STARD13: variants seen among roughly 807,000 people sequenced by gnomAD.
The protein encoded by STARD13 is stAR-related lipid transfer protein 13.
A neutral mutation model predicts 106.4 loss-of-function variants in STARD13; 62 were observed. The observed-to-expected ratio is 0.58, with a 90% CI of 0.48 to 0.72. The LOEUF is 0.72. Among genes scored for constraint, STARD13 ranks in the 30% least tolerant of loss-of-function variants. The pLI is 0.00. For missense variants in STARD13, 1,387 were observed against 1,424.0 expected (o/e 0.97, Z 0.42); for synonymous variants, 565 against 553.0 (o/e 1.02, Z -0.31).
chr13:33,637,513 A>G, the STARD13 span, among the ~76,000 whole-genome samples: 1 of 152,322 alleles, frequency 6.6e-6, no homozygotes, highest in African/African-American at 2.4e-5. Flanking sequence ...TGCTGTTTCC[A>G]TTGTGTAACT....
chr13:33,179,648 C>T (rs375047425), intron 1 of STARD13, among the ~76,000 whole-genome samples: 40 of 152,304 alleles, frequency 2.6e-4, no homozygotes, highest in African/African-American at 9.6e-4. Context: ...GAATGCAAGG[C>T]TGTGGGCAGT....
At chr13:33,254,710 G>C (rs921257627) in intron 1 of STARD13, among the ~76,000 whole-genome samples, 1 of 152,208 alleles carries the variant, frequency 6.6e-6, no homozygotes, top group Non-Finnish European at 1.5e-5. Flanking sequence ...CAGAGAAAGA[G>C]AGAAGAGGAG....
rs535028111 is a variant in STARD13 at position 33,203,496 on chromosome 13, C to A, written c.170-35874G>T. The stretch of plus-strand genomic sequence containing the variant: ...ATAAAATGTGAGAAAATATTAGGTA[C>A]CTTAATCTGCACTATTATCCATTTT... On this transcript the variant is annotated intron_variant, in intron 1 of 13. Coordinates refer to ENST00000336934, the MANE Select transcript of STARD13 (RefSeq NM_178006.4). Among the ~76,000 whole-genome samples, 65 of 151,774 alleles carry A rather than the reference C, an allele frequency of 4.3e-4. 1 individual carries two copies. The highest frequency in any genetic ancestry group is 1.5e-3 in the African/African-American group (63 of 41,224).
At chr13:33,237,637 C>G (rs1397976471) in intron 1 of STARD13, among the ~76,000 whole-genome samples, 1 of 152,128 alleles carries the variant, frequency 6.6e-6, no homozygotes. Flanking sequence ...CAGTGTGATC[C>G]CTTGATTAAA....
At chr13:33,542,777 G>A in the STARD13 span, among the ~76,000 whole-genome samples, 7 of 152,204 alleles carry the variant, frequency 4.6e-5, no homozygotes, top group African/African-American at 1.4e-4. Flanking sequence ...ATCCGGTGAC[G>A]CCTCTTCCCG....
chr13:33,334,818 G>A (rs2077875978), intron 1 of STARD13, among the ~76,000 whole-genome samples: 1 of 152,106 alleles, frequency 6.6e-6, no homozygotes, highest in Non-Finnish European at 1.5e-5. Context: ...CTAACACCTG[G>A]AAAGGTTGTT....
chr13:33,161,982 A>G (rs1882683692), intron 3 of STARD13, among the ~76,000 whole-genome samples: 1 of 152,114 alleles, frequency 6.6e-6, no homozygotes, highest in Non-Finnish European at 1.5e-5. Context: ...CATGATTCAA[A>G]TTATCTCCCA....
the STARD13 span, among the ~76,000 whole-genome samples, chr13:33,472,214 T>C: frequency 8.5e-5 from 13 of 152,070 alleles, no homozygotes; most frequent in African/African-American, 3.1e-4. Flanking sequence ...GGTTACCTAG[T>C]GGGTTTATAT....
chr13:33,639,604 T>C, the STARD13 span, among the ~76,000 whole-genome samples: 1 of 152,240 alleles, frequency 6.6e-6, no homozygotes, highest in Non-Finnish European at 1.5e-5. Context: ...CCTTACATAT[T>C]TGAAGTTTAG....
chr13:33,431,313 G>A, the STARD13 span, among the ~76,000 whole-genome samples: 3 of 151,974 alleles, frequency 2.0e-5, no homozygotes, highest in East Asian at 3.8e-4. Context: ...TTATAAAAAA[G>A]AATACAAAAT....
chr13:33,408,505 G>C, the STARD13 span, among the ~76,000 whole-genome samples: 1 of 152,020 alleles, frequency 6.6e-6, no homozygotes, highest in Non-Finnish European at 1.5e-5. Context: ...TTTTAAGGCT[G>C]AATATTCCAT....
chr13:33,440,471 A>G, the STARD13 span, among the ~76,000 whole-genome samples: 2,006 of 151,520 alleles, frequency 0.013, 46 homozygotes, highest in African/African-American at 0.046. Flanking sequence ...TCCTTCTGCA[A>G]CTTTATCCTT....
At chr13:33,252,507 T>C (rs17597497) in intron 1 of STARD13, among the ~76,000 whole-genome samples, 31,941 of 152,162 alleles carry the variant, frequency 0.21, 3,605 homozygotes, top group Non-Finnish European at 0.24. Context: ...ACAACCAGTT[T>C]CAGCTTTGAA....
Position 33,106,925 on chromosome 13 carries a change from T to G in STARD13, c.3057A>C (p.Lys1019Asn). The change falls in exon 13 of 14, where the codon AAA becomes AAC. Residue 1019 changes from lysine (K) to asparagine (N), a missense_variant. Lys to Asn is a moderately conservative substitution (Grantham distance 94). Transcript: ENST00000336934. ...TACACATTCCTTTGGGCAAATCAGT[T>G]TTCCAGGTCCTGTAGCAAAACAATC... Reference protein sequence around the residue: ...SRDFVVLRTWKTDLPKGMCTL... With the variant: ...SRDFVVLRTWNTDLPKGMCTL... The G allele has an allele frequency of 6.2e-7, 1 of 1,612,512 alleles. No individual in the cohort carries two copies. Among genetic ancestry groups the G allele is most frequent in the South Asian group, 1.1e-5 (1 of 90,742 alleles).
intron 1 of STARD13, among the ~76,000 whole-genome samples, chr13:33,264,772 T>C (rs761803300): frequency 2.2e-4 from 34 of 152,174 alleles, no homozygotes; most frequent in Non-Finnish European, 4.9e-4. Context: ...GGCTGGGCAG[T>C]GGCCTCTAGT....
chr13:33,530,363 C>G, the STARD13 span, among the ~76,000 whole-genome samples: 1 of 152,174 alleles, frequency 6.6e-6, no homozygotes, highest in Non-Finnish European at 1.5e-5. Context: ...CTGGCTTTTA[C>G]AGTAATTATT....
At chr13:33,181,464 T>C (rs1885229170) in intron 1 of STARD13, among the ~76,000 whole-genome samples, 1 of 152,210 alleles carries the variant, frequency 6.6e-6, no homozygotes, top group South Asian at 2.1e-4. Flanking sequence ...TAGAGTCTTG[T>C]AAATGGCTAT....
At chr13:33,475,561 G>A in the STARD13 span, among the ~76,000 whole-genome samples, 1 of 152,136 alleles carries the variant, frequency 6.6e-6, no homozygotes, top group Non-Finnish European at 1.5e-5. Context: ...TGATAATCTA[G>A]AGAGCTACAA....
At chr13:33,549,274 A>G in the STARD13 span, among the ~76,000 whole-genome samples, 3 of 152,008 alleles carry the variant, frequency 2.0e-5, no homozygotes, top group African/African-American at 7.3e-5. Context: ...GTCCTCATTT[A>G]TTTTTTGTGT....
Sources: allele counts gnomAD v4.1 joint callset (sites outside exome capture counted in the v4.1 genomes callset), GRCh38; gene constraint gnomAD v4.1.1; transcripts MANE v1.5; gene names NCBI Gene and HGNC (gene_info 2026-07-23, HGNC 2026-07-21).